SH3TC2: variants seen among roughly 807,000 people sequenced by gnomAD.
SH3TC2 encodes the protein SH3 domain and tetratricopeptide repeats 2.
In SH3TC2, 87 loss-of-function variants were observed where a neutral mutation model predicts 124.5. The ratio of observed to expected loss-of-function variants is 0.70; its 90% CI spans 0.59 to 0.84. SH3TC2 has a LOEUF of 0.84. Among genes scored for constraint, SH3TC2 ranks in the 40% least tolerant of loss-of-function variants. SH3TC2 has a pLI of 0.00. For missense variants in SH3TC2, 1,536 were observed against 1,566.4 expected (o/e 0.98, Z 0.33); for synonymous variants, 634 against 628.5 (o/e 1.01, Z -0.13).
At chr5:149,055,731 T>C (rs1356267369) in intron 1 of SH3TC2, among the ~76,000 whole-genome samples, 1 of 152,128 alleles carries the variant, frequency 6.6e-6, no homozygotes, top group Non-Finnish European at 1.5e-5. Flanking sequence ...ACAATTCAAA[T>C]GTCAATTTAC....
At chr5:149,034,362 A>C (rs1480950881) in intron 8 of SH3TC2, 2 of 197,234 alleles carry the variant, frequency 1.0e-5, no homozygotes, top group Non-Finnish European at 2.1e-5. Flanking sequence ...TGATTAAGCA[A>C]GAATGAGGAT....
intron 1 of SH3TC2, among the ~76,000 whole-genome samples, chr5:149,062,081 G>A (rs1754761191): frequency 6.6e-6 from 1 of 152,210 alleles, no homozygotes; most frequent in Admixed American, 6.5e-5. Flanking sequence ...CCTCAGCTAG[G>A]GGATGCTCCT....
intron 12 of SH3TC2, among the ~76,000 whole-genome samples, chr5:149,013,643 A>G (rs1753821590): frequency 6.6e-6 from 1 of 152,220 alleles, no homozygotes; most frequent in Non-Finnish European, 1.5e-5. Context: ...TTGGTGCTTA[A>G]TGGGGTGCCC....
chr5:149,012,585 T>C lies in SH3TC2; in HGVS notation c.3203A>G (p.Gln1068Arg). The C allele has an allele frequency of 6.2e-7, 1 of 1,614,118 alleles. No homozygotes were observed. The highest frequency in any genetic ancestry group is 8.5e-7 in the Non-Finnish European group (1 of 1,180,004). Reference protein sequence around the residue: ...QEDELVELCLQAAIQTALKSE... With the variant: ...QEDELVELCLRAAIQTALKSE... Reference sequence around the variant, plus strand: ...CAGAGAGCTCTGCAGGAGGCCTACCTGCAGGCACAGCTCCACCAGCTCGTC... The same window carrying C: ...CAGAGAGCTCTGCAGGAGGCCTACCCGCAGGCACAGCTCCACCAGCTCGTC... Residue 1068 changes from glutamine to arginine, a missense_variant and splice_region_variant, in exon 13 of 17, where the codon CAG becomes CGG. Around this residue, in one of 3 missense-constraint regions of SH3TC2, gnomAD observed 426 missense variants for 443.5 expected, o/e 0.96. Coordinates refer to ENST00000515425, the MANE Select transcript of SH3TC2 (RefSeq NM_024577.4).
In SH3TC2 at chr5:149,008,997, C is replaced by T. The variant is rs200801053; in HGVS notation, c.3332G>A (p.Gly1111Glu). Residue 1111 changes from glycine to glutamate, a missense_variant, in exon 15 of 17, where the codon GGA becomes GAA. Gly to Glu is a moderately conservative substitution (Grantham distance 98). This residue lies in a region of SH3TC2 where 426 missense variants were observed against 443.5 expected (regional missense o/e 0.96). Coordinates refer to ENST00000515425, the MANE Select transcript of SH3TC2 (RefSeq NM_024577.4). ...RHHAVEYYRAGAVPLARRLKA... is the reference protein window; with the variant it reads ...RHHAVEYYRAEAVPLARRLKA... Reference sequence around the variant, plus strand: ...CAACCTCCTTGCTAAAGGAACAGCTCCAGCCTAGGAACAGAAGCCCAAGGA... The same window carrying T: ...CAACCTCCTTGCTAAAGGAACAGCTTCAGCCTAGGAACAGAAGCCCAAGGA... The T allele has an allele frequency of 6.2e-7, 1 of 1,614,172 alleles. No individual in the cohort carries two copies. Among genetic ancestry groups the T allele is most frequent in the Non-Finnish European group, 8.5e-7 (1 of 1,180,018 alleles).
rs113802539 is a variant in SH3TC2 at position 148,994,659 on chromosome 5, G to A, written c.*10052C>T. Among the ~76,000 whole-genome samples the A allele has an allele frequency of 4.9e-3, 681 of 138,888 alleles. 13 individuals are homozygous for A. The highest frequency in any genetic ancestry group is 0.017 in the African/African-American group (658 of 38,908). The allele number at this position is 138,888 out of a possible 152,430, so 91.1% of individuals were successfully genotyped here. A position where few individuals can be genotyped will look rare whatever the true frequency, so the allele number is the denominator to read the frequency against. ...GGTTGGTTGGTTGGTTGGTTGGTTG[G>A]TTAATTGGCTGGTTGGATAAATGAA... On this transcript the variant is annotated 3_prime_UTR_variant, in exon 17 of 17. Transcript: ENST00000515425.
intron 15 of SH3TC2, 36 bp downstream of exon 15, chr5:149,008,814 CT>C (rs1561757573): frequency 6.2e-7 from 1 of 1,613,126 alleles, no homozygotes; most frequent in Non-Finnish European, 8.5e-7. Flanking sequence ...CTAATCACCC[CT>C]CTCATTCAAC....
chr5:149,052,376 C>T, intron 1 of SH3TC2, 136 bp from the exon 2 acceptor site: 1 of 692,664 alleles, frequency 1.4e-6, no homozygotes, highest in Non-Finnish European at 2.6e-6. Context: ...ATTGTTATCA[C>T]CATTGCCTTG....
At chr5:149,056,991 T>G (rs1580920139) in intron 1 of SH3TC2, among the ~76,000 whole-genome samples, 2 of 152,172 alleles carry the variant, frequency 1.3e-5, no homozygotes, top group South Asian at 4.1e-4. Context: ...TAACAATCTT[T>G]TTGATACTTT....
intron 2 of SH3TC2, among the ~76,000 whole-genome samples, chr5:149,050,950 G>A (rs754491146): frequency 6.6e-6 from 1 of 152,080 alleles, no homozygotes; most frequent in African/African-American, 2.4e-5. Flanking sequence ...CGTTTCCCTC[G>A]CTGACATTCT....
At position 149,004,773 on chromosome 5, in the gene SH3TC2, T is replaced by A. The variant is rs1753656892; in HGVS notation, c.3805A>T (p.Arg1269Trp). The change falls in exon 17 of 17, where the codon AGG (arginine) becomes TGG (tryptophan). Residue 1269 changes from arginine (R) to tryptophan (W), a missense_variant. Around this residue, in one of 3 missense-constraint regions of SH3TC2, gnomAD observed 426 missense variants for 443.5 expected, o/e 0.96. Coordinates refer to ENST00000515425, the MANE Select transcript of SH3TC2 (RefSeq NM_024577.4). Reference sequence around the variant, plus strand: ...CTCTCTGAGGAGCACCCGGAGGGCCTGCTGTGCCACAGGGGGCTCTGGCAG... The same window carrying A: ...CTCTCTGAGGAGCACCCGGAGGGCCAGCTGTGCCACAGGGGGCTCTGGCAG... Reference protein sequence around the residue: ...NICQSPLWHSRPSGCSSERAR... With the variant: ...NICQSPLWHSWPSGCSSERAR... The A allele has an allele frequency of 6.2e-7, 1 of 1,614,076 alleles. No individual in the cohort carries two copies. The highest frequency in any genetic ancestry group is 8.5e-7 in the Non-Finnish European group (1 of 1,180,014).
At chr5:149,010,693 A>C (rs1753770080) in intron 13 of SH3TC2, among the ~76,000 whole-genome samples, 1 of 152,226 alleles carries the variant, frequency 6.6e-6, no homozygotes, top group East Asian at 1.9e-4. Flanking sequence ...TAGAAAAAAA[A>C]AACTAATAAT....
Position 148,986,833 on chromosome 5 carries a change from T to C in SH3TC2, c.*17878A>G, listed in dbSNP as rs1299191804. On this transcript the variant is annotated 3_prime_UTR_variant, in exon 17 of 17. Coordinates refer to ENST00000515425, the MANE Select transcript of SH3TC2 (RefSeq NM_024577.4). ...TGTCTTGCTCCTCCAAGGGACACGTTGTATAAACAGCATCAAGTGTTAACT... is the reference window on the plus strand; with the variant it reads ...TGTCTTGCTCCTCCAAGGGACACGTCGTATAAACAGCATCAAGTGTTAACT... Among the ~76,000 whole-genome samples the C allele has an allele frequency of 1.3e-5, 2 of 152,168 alleles. No individual in the cohort carries two copies. Among genetic ancestry groups the C allele is most frequent in the Non-Finnish European group, 2.9e-5 (2 of 68,040 alleles).
chr5:149,025,843 T>C (rs981803314), intron 12 of SH3TC2: 1 of 152,356 alleles, frequency 6.6e-6, no homozygotes, highest in East Asian at 1.9e-4. Context: ...AAAAAATCAA[T>C]CACAAAACAA....
In SH3TC2 at chr5:149,002,395, C is replaced by T. The variant is rs1753612843; in HGVS notation, c.*2316G>A. ...TTACAGCTTGTGGTGGGGGCAAAACCACATCTATTCTCCATGGTAGTAGAT... is the reference window on the plus strand; with the variant it reads ...TTACAGCTTGTGGTGGGGGCAAAACTACATCTATTCTCCATGGTAGTAGAT... On this transcript the variant is annotated 3_prime_UTR_variant, in exon 17 of 17. Transcript: ENST00000515425. 1.3e-5 allele frequency: 2 copies of T among 152,626 alleles called. No individual in the cohort carries two copies. The highest frequency in any genetic ancestry group is 1.3e-4 in the Admixed American group (2 of 15,284). 9.5% of individuals were successfully genotyped at this position (152,626 alleles called of 1,614,324 possible). A position where few individuals can be genotyped will look rare whatever the true frequency, so the allele number is the denominator to read the frequency against.
chr5:149,025,637 C>A (rs1037126610), intron 12 of SH3TC2: 21 of 152,226 alleles, frequency 1.4e-4, no homozygotes, highest in African/African-American at 4.8e-4. Context: ...CAGAACAGAA[C>A]TTCAGTCTGC....
At chr5:149,056,193 A>G (rs1374246374) in intron 1 of SH3TC2, among the ~76,000 whole-genome samples, 1 of 152,048 alleles carries the variant, frequency 6.6e-6, no homozygotes, top group Non-Finnish European at 1.5e-5. Flanking sequence ...TTTGTTATAC[A>G]GATTATTTCA....
intron 12 of SH3TC2, among the ~76,000 whole-genome samples, chr5:149,014,727 G>T (rs1415510136): frequency 6.6e-6 from 1 of 152,180 alleles, no homozygotes; most frequent in Admixed American, 6.5e-5. Context: ...ATGCTGCAGT[G>T]ATCACCAACC....
chr5:149,026,628 C>T lies in SH3TC2; in HGVS notation c.2997G>A (p.Met999Ile). 6.2e-7 allele frequency: 1 copy of T among 1,614,186 alleles called. No individual in the cohort carries two copies. Among genetic ancestry groups the T allele is most frequent in the Middle Eastern group, 1.6e-4 (1 of 6,062 alleles). The change falls in exon 12 of 17, where the codon ATG (methionine) becomes ATA (isoleucine). Residue 999 changes from methionine to isoleucine, a missense_variant. By Grantham distance (10) the Met-to-Ile change is conservative. Transcript: ENST00000515425. ...ALAQQLRDREMEGRLLESLGQ... is the reference protein window; with the variant it reads ...ALAQQLRDREIEGRLLESLGQ... ...CCAGGGACTCCAGCAGCCTCCCTTC[C>T]ATCTCCCGGTCCCTGAGTTGCTGAG...
Sources: allele counts gnomAD v4.1 joint callset (sites outside exome capture counted in the v4.1 genomes callset), GRCh38; gene constraint gnomAD v4.1.1; regional missense constraint gnomAD v4.1.1; transcripts MANE v1.5; gene names NCBI Gene and HGNC (gene_info 2026-07-23, HGNC 2026-07-21).